Variants in CFAP299 observed in about 807,000 individuals in gnomAD.
CFAP299 encodes the protein cilia and flagella associated protein 299.
A neutral mutation model predicts 27.0 loss-of-function variants in CFAP299; 21 were observed. The ratio of observed to expected loss-of-function variants is 0.78; its 90% CI spans 0.55 to 1.12. The LOEUF (loss-of-function observed/expected upper bound fraction) is 1.12, where lower values mean the gene tolerates loss of function less well. Ranked by LOEUF, CFAP299 falls within the 50% of genes most tolerant of loss-of-function variation. The pLI is 0.00. For missense variants in CFAP299, 310 were observed against 276.6 expected, an observed-to-expected ratio of 1.12 and a Z score of -0.86; for synonymous variants, 104 against 98.1, an observed-to-expected ratio of 1.06 and a Z score of -0.36.
At chr4:80,604,906 A>C (rs1377836215) in intron 3 of CFAP299, among the ~76,000 whole-genome samples, 2 of 151,914 alleles carry the variant, frequency 1.3e-5, no homozygotes, top group African/African-American at 4.8e-5. Flanking sequence ...AAAAAAAAAC[A>C]TGTAATCCTA....
chr4:80,921,311 T>C (rs183243191), intron 4 of CFAP299, among the ~76,000 whole-genome samples: 201 of 152,110 alleles, frequency 1.3e-3, no homozygotes, highest in Admixed American at 5.2e-3. Context: ...GGAAATGCAA[T>C]GAGATAGATA....
intron 2 of CFAP299, among the ~76,000 whole-genome samples, chr4:80,372,450 T>G (rs1475636514): frequency 6.6e-6 from 1 of 152,230 alleles, no homozygotes; most frequent in African/African-American, 2.4e-5. Flanking sequence ...AGTCCCCAGA[T>G]AGCAGTGCTG....
At chr4:80,522,535 C>G (rs1732975867) in intron 2 of CFAP299, among the ~76,000 whole-genome samples, 1 of 151,960 alleles carries the variant, frequency 6.6e-6, no homozygotes, top group East Asian at 1.9e-4. Flanking sequence ...TTTTTTATTT[C>G]ATTGCCTGTG....
At chr4:80,760,565 A>C (rs1420693794) in intron 3 of CFAP299, among the ~76,000 whole-genome samples, 1 of 152,162 alleles carries the variant, frequency 6.6e-6, no homozygotes, top group African/African-American at 2.4e-5. Context: ...ATAGTACAAA[A>C]CTACCACACT....
chr4:80,590,113 A>G (rs764366304), intron 3 of CFAP299, among the ~76,000 whole-genome samples: 89 of 152,196 alleles, frequency 5.8e-4, no homozygotes, highest in Non-Finnish European at 1.2e-3. Flanking sequence ...TGCAAAAAAT[A>G]TAGGTATTAT....
At chr4:80,651,370 T>C (rs369703936) in intron 3 of CFAP299, among the ~76,000 whole-genome samples, 4 of 137,002 alleles carry the variant, frequency 2.9e-5, no homozygotes, top group Admixed American at 7.4e-5. Flanking sequence ...TCTTCTTCTT[T>C]TTTTTTTTTT....
intron 2 of CFAP299, among the ~76,000 whole-genome samples, chr4:80,389,454 C>A (rs1382767338): frequency 1.3e-5 from 2 of 152,142 alleles, no homozygotes; most frequent in African/African-American, 2.4e-5. Context: ...AGGCAATTTG[C>A]AGCTGTGGAA....
chr4:80,725,395 C>CT (rs990810087), intron 3 of CFAP299, among the ~76,000 whole-genome samples: 4 of 151,958 alleles, frequency 2.6e-5, no homozygotes, highest in East Asian at 1.9e-4. Flanking sequence ...CTCTTCTTGA[C>CT]TTTTTTATCA....
intron 2 of CFAP299, among the ~76,000 whole-genome samples, chr4:80,382,482 C>T (rs993624511): frequency 6.6e-6 from 1 of 151,984 alleles, no homozygotes; most frequent in Non-Finnish European, 1.5e-5. Flanking sequence ...GGAACTTAAA[C>T]AAATTTACAA....
At chr4:80,694,631 G>T (rs990040728) in intron 3 of CFAP299, among the ~76,000 whole-genome samples, 32 of 152,202 alleles carry the variant, frequency 2.1e-4, no homozygotes, top group African/African-American at 7.7e-4. Flanking sequence ...TTGATATCTT[G>T]AATTCTAACT....
At chr4:80,673,293 G>C (rs1741613219) in intron 3 of CFAP299, among the ~76,000 whole-genome samples, 1 of 152,128 alleles carries the variant, frequency 6.6e-6, no homozygotes, top group South Asian at 2.1e-4. Context: ...GGAGCAGGTT[G>C]TTCAGTTTCC....
chr4:80,958,728 GC>G (rs1738187548), intron 5 of CFAP299, among the ~76,000 whole-genome samples: 1 of 152,148 alleles, frequency 6.6e-6, no homozygotes, highest in African/African-American at 2.4e-5. Flanking sequence ...ATCATATGCA[GC>G]CCTCTGCTTT....
chr4:80,883,762 A>T (rs1733835093), intron 4 of CFAP299, among the ~76,000 whole-genome samples: 1 of 152,164 alleles, frequency 6.6e-6, no homozygotes, highest in South Asian at 2.1e-4. Flanking sequence ...CAGAGCTCTT[A>T]AATATATGAA....
chr4:80,470,466 G>GTAAA (rs1729940998), intron 2 of CFAP299, among the ~76,000 whole-genome samples: 1 of 56,928 alleles, frequency 1.8e-5, no homozygotes, highest in Non-Finnish European at 3.0e-5. Context: ...ATCATTTTAT[G>GTAAA]TATTACCTTA....
At chr4:80,914,742 T>A (rs955042774) in intron 4 of CFAP299, among the ~76,000 whole-genome samples, 8 of 152,230 alleles carry the variant, frequency 5.3e-5, no homozygotes, top group South Asian at 2.1e-4. Context: ...CCGTTTTATC[T>A]GAGCTGTCAA....
intron 2 of CFAP299, among the ~76,000 whole-genome samples, chr4:80,483,876 A>G (rs758943331): frequency 2.6e-5 from 4 of 152,130 alleles, no homozygotes; most frequent in Non-Finnish European, 5.9e-5. Context: ...TCGAATTGCT[A>G]TTTTGTTCAG....
At chr4:80,528,177 G>C (rs561523451) in intron 2 of CFAP299, among the ~76,000 whole-genome samples, 1 of 151,986 alleles carries the variant, frequency 6.6e-6, no homozygotes, top group East Asian at 1.9e-4. Context: ...AACACTGAAG[G>C]CTTTTCCATC....
chr4:80,620,156 C>A (rs1335018560), intron 3 of CFAP299, among the ~76,000 whole-genome samples: 1 of 152,150 alleles, frequency 6.6e-6, no homozygotes, highest in Middle Eastern at 3.2e-3. Flanking sequence ...ATCCATCCAT[C>A]AGCACACACT....
At chr4:80,839,531 T>C (rs1243205359) in intron 3 of CFAP299, among the ~76,000 whole-genome samples, 1 of 152,106 alleles carries the variant, frequency 6.6e-6, no homozygotes, top group Non-Finnish European at 1.5e-5. Context: ...AGGCAGGCCA[T>C]GTCATCTCTG....
Sources: allele counts gnomAD v4.1 joint callset (sites outside exome capture counted in the v4.1 genomes callset), GRCh38; gene constraint gnomAD v4.1.1; transcripts MANE v1.5; gene names NCBI Gene and HGNC (gene_info 2026-07-23, HGNC 2026-07-21).